ZNF236: variants seen among roughly 807,000 people sequenced by gnomAD.
ZNF236 encodes the protein regulated by glucose.
A neutral mutation model predicts 191.2 loss-of-function variants in ZNF236; 50 were observed. That is an observed-to-expected ratio of 0.26 (90% CI 0.21 to 0.33). The LOEUF (loss-of-function observed/expected upper bound fraction) is 0.33. Among genes scored for constraint, ZNF236 ranks in the 10% least tolerant of loss-of-function variants. The pLI, the probability that ZNF236 is intolerant of heterozygous loss-of-function variation, is 1.00. For missense variants in ZNF236, 1,754 were observed against 2,374.5 expected, an observed-to-expected ratio of 0.74 and a Z score of 5.43; for synonymous variants, 907 against 928.8, an observed-to-expected ratio of 0.98 and a Z score of 0.43.
At chr18:76,843,803 A>AAAAAAAAAAAAAAAAAGAAG (rs71172383) in intron 1 of ZNF236, among the ~76,000 whole-genome samples, 1 of 62,080 alleles carries the variant, frequency 1.6e-5, no homozygotes, top group Non-Finnish European at 2.8e-5. Flanking sequence ...AAAAAAAAAA[A>AAAAAAAAAAAAAAAAAGAAG]AAGTAAAGAA....
intron 26 of ZNF236, among the ~76,000 whole-genome samples, chr18:76,947,035 C>T (rs770917929): frequency 5.3e-5 from 8 of 152,264 alleles, no homozygotes; most frequent in Non-Finnish European, 8.8e-5. Flanking sequence ...CATGTTCCCC[C>T]GACCCCCGGC....
At chr18:76,842,568 A>G (rs118012987) in intron 1 of ZNF236, among the ~76,000 whole-genome samples, 2,397 of 152,152 alleles carry the variant, frequency 0.016, 30 homozygotes, top group Non-Finnish European at 0.019. Flanking sequence ...TGTGACCAAC[A>G]TGGAGAAACC....
rs1245519051 is a variant in ZNF236 at position 76,919,016 on chromosome 18, G to T, written c.3275-760G>T. On this transcript the variant is annotated intron_variant, in intron 19 of 30. Coordinates refer to ENST00000320610, the MANE Select transcript of ZNF236 (RefSeq NM_001306089.2). The surrounding 1 kb of genome is among the most constrained non-coding windows in gnomAD (Gnocchi z 5.3). ...TTTTATTTTCTTCTTTATAGTAATT[G>T]TTTTTAGTTGGGGGCTGTTTGCTAA... is the stretch of plus-strand genomic sequence containing the variant. 6.6e-6 allele frequency among the ~76,000 whole-genome samples: 1 copy of T among 152,158 alleles called. No homozygotes were observed. Among genetic ancestry groups the T allele is most frequent in the Non-Finnish European group, 1.5e-5 (1 of 68,012 alleles).
chr18:76,911,094 C>T (rs1967205939), intron 16 of ZNF236, among the ~76,000 whole-genome samples: 1 of 152,094 alleles, frequency 6.6e-6, no homozygotes. Flanking sequence ...TGTAATAACA[C>T]GTTGAAAGGT....
rs1319739972 is a variant in ZNF236, at chr18:76,905,159, C to T, written c.2041C>T (p.His681Tyr). The T allele has an allele frequency of 6.2e-7, 1 of 1,610,116 alleles. No individual in the cohort carries two copies. ...SCHLKQHIRS[H>Y]TGEKPFKCSQ... ...AAATGTGTATTTTTTTTTAAGATCC[C>T]ATACAGGTGAAAAACCTTTTAAATG... Residue 681 changes from histidine to tyrosine, a missense_variant, in exon 13 of 31, where the codon CAT (histidine) becomes TAT (tyrosine). Physicochemically the swap from His to Tyr is moderately conservative, Grantham distance 83. Transcript: ENST00000320610.
rs549979521 is a variant in ZNF236 at position 76,870,898 on chromosome 18, C to T, written c.543-803C>T. On this transcript the variant is annotated intron_variant, in intron 4 of 30. Transcript: ENST00000320610. Reference sequence around the variant, plus strand: ...AGATGGGAGTCCTTGGAGGGTTTTGCACAAAGGGAATGGTGTGACCAGACT... The same window carrying T: ...AGATGGGAGTCCTTGGAGGGTTTTGTACAAAGGGAATGGTGTGACCAGACT... Among the ~76,000 whole-genome samples the T allele has an allele frequency of 2.0e-3, 308 of 152,194 alleles. 8 individuals are homozygous for T. The highest frequency in any genetic ancestry group is 6.9e-3 in the South Asian group (33 of 4,814).
In ZNF236 at chr18:76,880,079, T is replaced by C. The variant is rs781621439; in HGVS notation, c.985-34T>C. ...TTCCTTTTTAAATTGAAGAGCAAAA[T>C]TGTATTTTTAATGAAAATGTTTCTG... On this transcript the variant is annotated intron_variant, in intron 7 of 30. Coordinates refer to ENST00000320610, the MANE Select transcript of ZNF236 (RefSeq NM_001306089.2). The surrounding 1 kb of genome is among the most constrained non-coding windows in gnomAD (Gnocchi z 5.0). 1.3e-6 allele frequency: 2 copies of C among 1,560,138 alleles called. No homozygotes were observed. The highest frequency in any genetic ancestry group is 3.8e-5 in the Admixed American group (2 of 52,152).
Position 76,908,465 on chromosome 18 carries a change from G to A in ZNF236, c.2443G>A (p.Ala815Thr), listed in dbSNP as rs200660966. The A allele has an allele frequency of 9.9e-6, 16 of 1,614,218 alleles. No homozygotes were observed. Among genetic ancestry groups the A allele is most frequent in the East Asian group, 2.2e-5 (1 of 44,884 alleles). ...GCTGCCGCAGACGGCAGAGGTGGTC[G>A]CAGCGAACCCCGAGGCCATGCTGGA... is the stretch of plus-strand genomic sequence containing the variant. Reference protein sequence around the residue: ...DELPQTAEVVAANPEAMLDLE... With the variant: ...DELPQTAEVVTANPEAMLDLE... The change falls in exon 14 of 31, where the codon GCA becomes ACA. Residue 815 changes from alanine (A) to threonine (T), a missense_variant. By Grantham distance (58) the Ala-to-Thr change is moderately conservative. This residue lies in a region of ZNF236 where 641 missense variants were observed against 869.6 expected (regional missense o/e 0.74). Coordinates refer to ENST00000320610, the MANE Select transcript of ZNF236 (RefSeq NM_001306089.2).
chr18:76,893,431 CCTTT>C (rs1272552829), intron 9 of ZNF236, among the ~76,000 whole-genome samples: 5 of 152,124 alleles, frequency 3.3e-5, no homozygotes, highest in African/African-American at 9.7e-5. Context: ...TGTGTCTGTA[CCTTT>C]CTTTGTTTTT....
At chr18:76,935,129 CT>C (rs757816678) in intron 25 of ZNF236, among the ~76,000 whole-genome samples, 17 of 152,162 alleles carry the variant, frequency 1.1e-4, no homozygotes, top group Non-Finnish European at 1.8e-4. Flanking sequence ...AAGATTGTAG[CT>C]TTTAACAAAT....
chr18:76,936,013 AG>A (rs1433611206), intron 25 of ZNF236: 1 of 457,100 alleles, frequency 2.2e-6, no homozygotes, highest in Non-Finnish European at 4.4e-6. Flanking sequence ...GTGGGACCCC[AG>A]GAGTGTGGAT....
At chr18:76,964,524 A>G (rs1352060677) in intron 30 of ZNF236, among the ~76,000 whole-genome samples, 1 of 152,168 alleles carries the variant, frequency 6.6e-6, no homozygotes, top group East Asian at 1.9e-4. Flanking sequence ...GTTAAATATA[A>G]TGTATATTCT....
At chr18:76,910,016 G>A (rs1967175030) in intron 14 of ZNF236, 52 bp from the exon 15 acceptor site, 5 of 1,403,060 alleles carry the variant, frequency 3.6e-6, no homozygotes, top group East Asian at 4.6e-5. Context: ...ATTTGCAGTT[G>A]TGAAATAACT....
At chr18:76,823,293 C>T (rs1599300916) in intron 1 of ZNF236, among the ~76,000 whole-genome samples, 1 of 151,882 alleles carries the variant, frequency 6.6e-6, no homozygotes, top group East Asian at 1.9e-4. Flanking sequence ...GTGGGGCGTG[C>T]ATACAGTAGG....
rs1414822544 is a variant in ZNF236 at position 76,969,665 on chromosome 18, C to T, written c.*1326C>T. 2.6e-5 allele frequency: 4 copies of T among 152,068 alleles called. No individual in the cohort carries two copies. Among genetic ancestry groups the T allele is most frequent in the African/African-American group, 4.9e-5 (2 of 41,236 alleles). 9.4% of individuals were successfully genotyped at this position (152,068 alleles called of 1,614,324 possible). On this transcript the variant is annotated 3_prime_UTR_variant, in exon 31 of 31. Coordinates refer to ENST00000320610, the MANE Select transcript of ZNF236 (RefSeq NM_001306089.2). ...TTGCCTTTATTTTCTCTCGTTGCCT[C>T]CTTGGTTTCAGAAGAGAGTAGTTTT...
At chr18:76,847,790 A>G (rs1975740402) in intron 1 of ZNF236, among the ~76,000 whole-genome samples, 1 of 152,138 alleles carries the variant, frequency 6.6e-6, no homozygotes, top group African/African-American at 2.4e-5. Context: ...CAATCATTTG[A>G]TTTGGGCCTG....
intron 9 of ZNF236, among the ~76,000 whole-genome samples, chr18:76,884,756 G>T (rs1452940697): frequency 6.6e-6 from 1 of 152,194 alleles, no homozygotes; most frequent in Non-Finnish European, 1.5e-5. Context: ...ATCTCTGCAA[G>T]TGTGCTTTTT....
chr18:76,838,813 G>C (rs1055925452), intron 1 of ZNF236, among the ~76,000 whole-genome samples: 1 of 152,180 alleles, frequency 6.6e-6, no homozygotes, highest in Non-Finnish European at 1.5e-5. Flanking sequence ...ACTCACTTAT[G>C]TAGTCAGCAC....
At chr18:76,823,741 C>G (rs550488594) in intron 1 of ZNF236, among the ~76,000 whole-genome samples, 1 of 152,228 alleles carries the variant, frequency 6.6e-6, no homozygotes, top group Non-Finnish European at 1.5e-5. Context: ...AAAGCCCCAG[C>G]CCGGAGCTTG....
Sources: allele counts gnomAD v4.1 joint callset (sites outside exome capture counted in the v4.1 genomes callset), GRCh38; gene constraint gnomAD v4.1.1; regional missense constraint gnomAD v4.1.1; non-coding constraint Gnocchi (gnomAD v3.1); transcripts MANE v1.5; gene names NCBI Gene and HGNC (gene_info 2026-07-23, HGNC 2026-07-21).